ME2: variants seen among roughly 807,000 people sequenced by gnomAD.
ME2 encodes the protein malic enzyme 2.
Under a neutral mutation model 73.7 loss-of-function variants are expected in ME2, and 60 were observed. That is an observed-to-expected ratio of 0.81 (90% CI 0.66 to 1.01). The LOEUF (loss-of-function observed/expected upper bound fraction) is 1.01, where lower values mean the gene tolerates loss of function less well. Among genes scored for constraint, ME2 ranks in the 50% least tolerant of loss-of-function variants. The probability of loss-of-function intolerance (pLI) is 0.00; values close to 1 mark genes in which losing one functional copy is unlikely to be tolerated. For synonymous variants in ME2, 199 were observed against 236.9 expected (o/e 0.84, Z 1.47); for missense variants, 594 against 705.5 (o/e 0.84, Z 1.79).
chr18:50,914,454 A>T lies in ME2; in HGVS notation c.392+1504A>T, dbSNP rs149993114. ...TTCTGATGTATACCCAGAGTTGAGA[A>T]CTGACTTGAAACATGAAGAGCATGG... On this transcript the variant is annotated intron_variant, in intron 4 of 15. Transcript: ENST00000321341. 2.0e-3 allele frequency among the ~76,000 whole-genome samples: 309 copies of T among 152,316 alleles called. 4 individuals are homozygous for T. Among genetic ancestry groups the T allele is most frequent in the African/African-American group, 7.3e-3 (305 of 41,570 alleles).
chr18:50,941,951 A>T (rs900824422), intron 15 of ME2, among the ~76,000 whole-genome samples: 5 of 151,832 alleles, frequency 3.3e-5, no homozygotes, highest in African/African-American at 1.2e-4. Flanking sequence ...TTAAGTGTAT[A>T]TATACTGTTT....
Position 50,949,541 on chromosome 18 carries a change from C to G in ME2, c.*2357C>G, listed in dbSNP as rs1918172592. The G allele has an allele frequency of 6.6e-6, 1 of 152,162 alleles. No homozygotes were observed. The highest frequency in any genetic ancestry group is 2.4e-5 in the African/African-American group (1 of 41,424). 9.4% of individuals were successfully genotyped at this position (152,162 alleles called of 1,614,324 possible). A position where few individuals can be genotyped will look rare whatever the true frequency, so the allele number is the denominator to read the frequency against. ...CATGTTCCCTTTATCAAAACAAAATCACGCCTAAACATACTCTCTGTGTGA... is the reference window on the plus strand; with the variant it reads ...CATGTTCCCTTTATCAAAACAAAATGACGCCTAAACATACTCTCTGTGTGA... On this transcript the variant is annotated 3_prime_UTR_variant, in exon 16 of 16. Transcript: ENST00000321341.
intron 2 of ME2, among the ~76,000 whole-genome samples, chr18:50,897,043 G>C (rs1037081244): frequency 6.6e-6 from 1 of 152,172 alleles, no homozygotes; most frequent in African/African-American, 2.4e-5. Flanking sequence ...CCATGGACTG[G>C]AGTAATTACT....
chr18:50,919,757 T>G (rs1917376626), intron 7 of ME2, among the ~76,000 whole-genome samples: 1 of 152,128 alleles, frequency 6.6e-6, no homozygotes, highest in African/African-American at 2.4e-5. Context: ...TTCCTTTCTC[T>G]GCAGCCTTCA....
intron 4 of ME2, among the ~76,000 whole-genome samples, chr18:50,914,254 C>G (rs562314207): frequency 1.1e-4 from 16 of 152,322 alleles, no homozygotes; most frequent in African/African-American, 3.6e-4. Flanking sequence ...CCAACAATTA[C>G]TGTAACTAAA....
At chr18:50,942,335 C>G (rs1917983717) in intron 15 of ME2, among the ~76,000 whole-genome samples, 1 of 152,118 alleles carries the variant, frequency 6.6e-6, no homozygotes, top group African/African-American at 2.4e-5. Context: ...CTATCTGACA[C>G]TGTTTTAAAT....
intron 1 of ME2, among the ~76,000 whole-genome samples, chr18:50,880,963 G>GTA (rs2046613464): frequency 6.6e-6 from 1 of 152,184 alleles, no homozygotes; most frequent in Non-Finnish European, 1.5e-5. Flanking sequence ...TTACAGCTAT[G>GTA]TATGTATAAT....
At chr18:50,941,024 G>A (rs935927935) in intron 15 of ME2, among the ~76,000 whole-genome samples, 3 of 151,902 alleles carry the variant, frequency 2.0e-5, no homozygotes, top group South Asian at 2.1e-4. Flanking sequence ...TTGGGAGGCC[G>A]AAGCAGGTGG....
chr18:50,882,824 C>G (rs910002923), intron 1 of ME2, among the ~76,000 whole-genome samples: 1 of 152,132 alleles, frequency 6.6e-6, no homozygotes, highest in Admixed American at 6.6e-5. Context: ...TAGCACACAC[C>G]TATAATCCCA....
intron 2 of ME2, among the ~76,000 whole-genome samples, chr18:50,902,263 C>CT (rs1314598827): frequency 6.6e-6 from 1 of 152,144 alleles, no homozygotes; most frequent in African/African-American, 2.4e-5. Context: ...TATTAGTTCT[C>CT]TGAGGGTTTT....
chr18:50,895,928 G>A lies in ME2; in HGVS notation c.108G>A (p.Lys36=). The change falls in exon 2 of 16, where the codon AAG becomes AAA. Residue 36 remains lysine, a splice_region_variant and synonymous_variant. Transcript: ENST00000321341. ...KPLMLNPRTN[K]GMAFTLQERQ... ...TTATGCTGAACCCAAGAACAAACAA[G>A]GTTAGTAACATTAATATCAATGTAC... is the stretch of plus-strand genomic sequence containing the variant. The A allele has an allele frequency of 1.3e-6, 2 of 1,587,934 alleles. No individual in the cohort carries two copies.
chr18:50,939,736 C>T, intron 14 of ME2, 96 bp downstream of exon 14: 10 of 745,680 alleles, frequency 1.3e-5, no homozygotes, highest in East Asian at 5.4e-5. Context: ...GTTAAATCTG[C>T]CTTATTAATG....
At chr18:50,909,072 G>A (rs992438075) in intron 3 of ME2, among the ~76,000 whole-genome samples, 4 of 151,600 alleles carry the variant, frequency 2.6e-5, no homozygotes, top group Non-Finnish European at 5.9e-5. Flanking sequence ...TCCTACCTCA[G>A]CCTCTCAAGT....
intron 7 of ME2, among the ~76,000 whole-genome samples, chr18:50,919,256 T>C (rs1917363587): frequency 6.6e-6 from 1 of 152,208 alleles, no homozygotes; most frequent in African/African-American, 2.4e-5. Flanking sequence ...ATTTTGTCAT[T>C]CTTTTGCTTG....
chr18:50,936,008 A>G (rs544115326), intron 13 of ME2, among the ~76,000 whole-genome samples: 1 of 152,250 alleles, frequency 6.6e-6, no homozygotes, highest in African/African-American at 2.4e-5. Flanking sequence ...GTGATTGACA[A>G]TCAATATTCA....
chr18:50,908,932 C>T (rs915215944), intron 3 of ME2, among the ~76,000 whole-genome samples: 3 of 149,132 alleles, frequency 2.0e-5, no homozygotes, highest in East Asian at 2.0e-4. Flanking sequence ...TGAGCCACTG[C>T]GCCTGGACTT....
At position 50,908,150 on chromosome 18, in the gene ME2, T is replaced by A. The variant is rs148906864; in HGVS notation, c.196T>A (p.Leu66Ile). ...PKIETQDIQA[L>I]RFHRNLKKMT... ...AATAGAGACACAAGATATTCAAGCCTTACGATTTCATAGAAACTTGAAGAA... is the reference window on the plus strand; with the variant it reads ...AATAGAGACACAAGATATTCAAGCCATACGATTTCATAGAAACTTGAAGAA... The change falls in exon 3 of 16, where the codon TTA becomes ATA. Residue 66 changes from leucine (L) to isoleucine (I), a missense_variant. Leu to Ile is a conservative substitution (Grantham distance 5). Coordinates refer to ENST00000321341, the MANE Select transcript of ME2 (RefSeq NM_002396.5). The A allele has an allele frequency of 6.2e-7, 1 of 1,606,180 alleles. No homozygotes were observed. The highest frequency in any genetic ancestry group is 8.5e-7 in the Non-Finnish European group (1 of 1,176,876).
intron 12 of ME2, among the ~76,000 whole-genome samples, chr18:50,926,579 A>G (rs1355571012): frequency 3.3e-5 from 5 of 152,204 alleles, no homozygotes; most frequent in Non-Finnish European, 5.9e-5. Flanking sequence ...TTGAAAAAAT[A>G]TCAGCCAGTA....
intron 12 of ME2, among the ~76,000 whole-genome samples, chr18:50,928,774 C>T (rs1462110126): frequency 6.6e-6 from 1 of 152,100 alleles, no homozygotes; most frequent in Non-Finnish European, 1.5e-5. Flanking sequence ...TTTATCAGCA[C>T]CTCTCATCCT....
Sources: gnomAD v4.1 joint callset for allele counts (sites outside exome capture counted in the v4.1 genomes callset) on GRCh38, gnomAD v4.1.1 for gene constraint, MANE v1.5 for transcripts, NCBI Gene and HGNC (gene_info 2026-07-23, HGNC 2026-07-21) for gene names.